Variants in SLC1A6 observed in about 807,000 individuals in gnomAD.
SLC1A6 encodes excitatory amino acid transporter 4.
SLC1A6 carries 15 observed loss-of-function variants against 42.1 expected under a neutral mutation model. The ratio of observed to expected loss-of-function variants is 0.36; its 90% CI spans 0.24 to 0.55. The LOEUF (loss-of-function observed/expected upper bound fraction) is 0.55, where lower values mean the gene tolerates loss of function less well. Ranked by LOEUF, SLC1A6 falls within the 20% of genes least tolerant of loss-of-function variation. SLC1A6 has a pLI of 0.88. For missense variants in SLC1A6, 542 were observed against 772.5 expected (o/e 0.70, Z 3.54); for synonymous variants, 317 against 319.7 (o/e 0.99, Z 0.09).
chr19:14,981,708 C>A (rs2045768917), upstream of SLC1A6, among the ~76,000 whole-genome samples: 1 of 152,224 alleles, frequency 6.6e-6, no homozygotes, highest in South Asian at 2.1e-4. Context: ...TGTTCCCTGG[C>A]AATTGGCCTT....
chr19:14,998,084 C>A (rs12609658), intron 1 of SLC1A6, among the ~76,000 whole-genome samples: 1 of 151,910 alleles, frequency 6.6e-6, no homozygotes, highest in African/African-American at 2.4e-5. Flanking sequence ...AAATAAAATT[C>A]TATGCCCTAC....
At chr19:14,987,480 T>TA (rs112436426) in intron 1 of SLC1A6, among the ~76,000 whole-genome samples, 2 of 149,748 alleles carry the variant, frequency 1.3e-5, no homozygotes, top group South Asian at 2.1e-4. Context: ...AAAAAAAAAA[T>TA]TTTTTTTAAT....
Position 15,008,775 on chromosome 19 carries a change from A to G in SLC1A6, c.6+1710T>C, listed in dbSNP as rs144787415. Among the ~76,000 whole-genome samples, 734 of 152,108 alleles carry G rather than the reference A, an allele frequency of 4.8e-3. 10 individuals are homozygous for G. The highest frequency in any genetic ancestry group is 0.017 in the African/African-American group (709 of 41,496). On this transcript the variant is annotated intron_variant, in intron 1 of 8. Coordinates refer to the SLC1A6 transcript ENST00000430939. ...AAGGAAGTCGAATTGCTTGAGTCCA[A>G]GAGTTTGAAACCAACCTGGGTAACA...
intron 1 of SLC1A6, among the ~76,000 whole-genome samples, chr19:15,000,284 T>C (rs2045866632): frequency 1.3e-5 from 2 of 152,220 alleles, no homozygotes; most frequent in African/African-American, 4.8e-5. Flanking sequence ...TGTTATTAAC[T>C]ATAGTTGCCA....
In SLC1A6 at chr19:14,955,439, A is replaced by C. The variant is rs539398431; in HGVS notation, c.1169+1037T>G. ...CTACCAAAAACAACAACAACAACAA[A>C]AAAAACTTAGCCGGGAGGGCTAAAA... On this transcript the variant is annotated intron_variant, in intron 7 of 9. Coordinates refer to ENST00000594383, the MANE Select transcript of SLC1A6 (RefSeq NM_005071.3). Among the ~76,000 whole-genome samples the C allele has an allele frequency of 1.3e-4, 20 of 151,850 alleles. No homozygotes were observed. In the East Asian group the frequency reaches 1.9e-3, roughly 15 times the overall value.
rs1473619679 is a variant in SLC1A6, at chr19:14,968,427, C to T, written c.424G>A (p.Ala142Thr). Reference sequence around the variant, plus strand: ...ACCATGAGGATGCCGATGAAGACCGCGATGATGGTGGTCACCATGTAGTAC... The same window carrying T: ...ACCATGAGGATGCCGATGAAGACCGTGATGATGGTGGTCACCATGTAGTAC... Reference protein sequence around the residue: ...AVYYMVTTIIAVFIGILMVTI... With the variant: ...AVYYMVTTIITVFIGILMVTI... Residue 142 changes from alanine (A) to threonine (T), a missense_variant, in exon 4 of 10, where the codon GCG (alanine) becomes ACG (threonine). Ala to Thr is a moderately conservative substitution (Grantham distance 58, BLOSUM62 0). Around this residue, in one of 6 missense-constraint regions of SLC1A6, gnomAD observed 298 missense variants for 419.4 expected, o/e 0.71. Coordinates refer to ENST00000594383, the MANE Select transcript of SLC1A6 (RefSeq NM_005071.3). The T allele has an allele frequency of 1.9e-6, 3 of 1,613,712 alleles. No homozygotes were observed. The highest frequency in any genetic ancestry group is 2.2e-5 in the South Asian group (2 of 90,956).
intron 1 of SLC1A6, among the ~76,000 whole-genome samples, chr19:14,996,528 T>TTTCTTCTTCTCCTTCTTCTTC (rs2045846939): frequency 7.9e-6 from 1 of 125,854 alleles, no homozygotes; most frequent in Admixed American, 8.4e-5. Flanking sequence ...CCTCCTCCTC[T>TTTCTTCTTCTCCTTCTTCTTC]TTCTTCTTCT....
intron 1 of SLC1A6, among the ~76,000 whole-genome samples, chr19:14,992,734 C>T (rs1304487195): frequency 1.3e-5 from 2 of 152,068 alleles, no homozygotes; most frequent in African/African-American, 2.4e-5. Flanking sequence ...CCCAGGTCCA[C>T]TCTGACCAAA....
At position 14,979,751 on chromosome 19, in the gene SLC1A6, C is replaced by G. The variant is rs1328957947; in HGVS notation, c.-450G>C. On this transcript the variant is annotated 5_prime_UTR_variant, in exon 1 of 10. Transcript: ENST00000594383. This position sits in a 1 kb window ranked among gnomAD's most constrained non-coding sequence, Gnocchi z 4.2. ...CGTGGGTGTGGGGGCACCGAGCGGCCGGGGGAGGGGGCGGGATCCCCTCCG... is the reference window on the plus strand; with the variant it reads ...CGTGGGTGTGGGGGCACCGAGCGGCGGGGGGAGGGGGCGGGATCCCCTCCG... 6.8e-6 allele frequency: 1 copy of G among 148,028 alleles called. No homozygotes were observed. The highest frequency in any genetic ancestry group is 6.7e-5 in the Admixed American group (1 of 14,872). The allele number at this position is 148,028 out of a possible 1,614,324, so 9.2% of individuals were successfully genotyped here. A position where few individuals can be genotyped will look rare whatever the true frequency, so the allele number is the denominator to read the frequency against.
chr19:14,964,721 T>A (rs1303264446), intron 4 of SLC1A6, among the ~76,000 whole-genome samples: 1 of 152,176 alleles, frequency 6.6e-6, no homozygotes, highest in Non-Finnish European at 1.5e-5. Flanking sequence ...AACACACATG[T>A]GTCAGTGATG....
At chr19:15,000,946 C>T (rs1483324404) in intron 1 of SLC1A6, among the ~76,000 whole-genome samples, 1 of 152,190 alleles carries the variant, frequency 6.6e-6, no homozygotes, top group Admixed American at 6.5e-5. Context: ...AGTAGATAAG[C>T]CCTTTCAACA....
rs191042207 is a variant in SLC1A6, at chr19:14,975,520, C to T, written c.-7-2603G>A. 1.5e-4 allele frequency among the ~76,000 whole-genome samples: 23 copies of T among 152,018 alleles called. No homozygotes were observed. In the East Asian group the frequency reaches 2.3e-3, roughly 15 times the overall value. ...CTGTAATCCCAGCAATTTGGAAGGC[C>T]GAGGTGGGCAGATCACTTGAGGTCA... On this transcript the variant is annotated intron_variant, in intron 1 of 9. Coordinates refer to ENST00000594383, the MANE Select transcript of SLC1A6 (RefSeq NM_005071.3).
At chr19:14,975,368 C>G (rs1288785711) in intron 1 of SLC1A6, 1 of 113,196 alleles carries the variant, frequency 8.8e-6, no homozygotes, top group Non-Finnish European at 1.9e-5. Flanking sequence ...CTGATTTGAT[C>G]TTTACGCATT....
chr19:14,981,408 C>A (rs186322208), upstream of SLC1A6, among the ~76,000 whole-genome samples: 283 of 152,308 alleles, frequency 1.9e-3, no homozygotes, highest in Non-Finnish European at 2.8e-3. Flanking sequence ...GAATGCTCCC[C>A]AATGTATGGC....
intron 1 of SLC1A6, among the ~76,000 whole-genome samples, chr19:15,009,498 C>T (rs944258965): frequency 2.0e-5 from 3 of 151,944 alleles, no homozygotes; most frequent in Non-Finnish European, 2.9e-5. Flanking sequence ...AGTGAAATGA[C>T]CGAGAAATAG....
At chr19:14,954,098 T>C in intron 8 of SLC1A6, 37 bp downstream of exon 8, 1 of 1,534,192 alleles carries the variant, frequency 6.5e-7, no homozygotes, top group Non-Finnish European at 8.9e-7. Context: ...ACCGCTTAAG[T>C]CTCACCTGCT....
At position 14,964,426 on chromosome 19, in the gene SLC1A6, G is replaced by C. The variant is rs567517178; in HGVS notation, c.549-65C>G. 1.5e-5 allele frequency: 20 copies of C among 1,301,634 alleles called. No individual in the cohort carries two copies. In the South Asian group the frequency reaches 2.4e-4, roughly 15 times the overall value. 80.6% of individuals were successfully genotyped at this position (1,301,634 alleles called of 1,614,324 possible). A position where few individuals can be genotyped will look rare whatever the true frequency, so the allele number is the denominator to read the frequency against. ...TGGAAGGGCATCTAGGGTGATAACA[G>C]TAATACTAACACCAAGAACAACAAT... is the stretch of plus-strand genomic sequence containing the variant. On this transcript the variant is annotated intron_variant, in intron 4 of 9. Coordinates refer to ENST00000594383, the MANE Select transcript of SLC1A6 (RefSeq NM_005071.3).
Position 14,962,213 on chromosome 19 carries a change from G to T in SLC1A6, c.724C>A (p.Arg242=). The T allele has an allele frequency of 6.2e-7, 1 of 1,614,170 alleles. No individual in the cohort carries two copies. The highest frequency in any genetic ancestry group is 1.1e-5 in the South Asian group (1 of 91,078). Residue 242 remains arginine (R), a synonymous_variant, in exon 6 of 10, where the codon CGG becomes AGG. Transcript: ENST00000594383. ...NGTSFLENVT[R]ALGTLQEMLS... is the part of the protein sequence containing the mutation. ...ATCTCCTGCAGGGTACCCAAGGCCC[G>T]AGTGACATTTTCCAGGAAGCTGGTT...
intron 1 of SLC1A6, among the ~76,000 whole-genome samples, chr19:14,994,922 G>T (rs2145235283): frequency 6.6e-6 from 1 of 152,296 alleles, no homozygotes; most frequent in South Asian, 2.1e-4. Flanking sequence ...CAACCACATG[G>T]ATGAACTCGG....
Sources: allele counts gnomAD v4.1 joint callset (sites outside exome capture counted in the v4.1 genomes callset), GRCh38; gene constraint gnomAD v4.1.1; regional missense constraint gnomAD v4.1.1; non-coding constraint Gnocchi (gnomAD v3.1); transcripts MANE v1.5; gene names NCBI Gene and HGNC (gene_info 2026-07-23, HGNC 2026-07-21).